QDPR: variants seen among roughly 807,000 people sequenced by gnomAD.
The protein encoded by QDPR is dihydropteridine reductase.
QDPR carries 23 observed loss-of-function variants against 31.7 expected under a neutral mutation model. The ratio of observed to expected loss-of-function variants is 0.73; its 90% CI spans 0.52 to 1.03. The LOEUF is 1.03. Among genes scored for constraint, QDPR ranks in the 50% least tolerant of loss-of-function variants. QDPR has a pLI of 0.00. For missense variants in QDPR, 324 were observed against 323.8 expected (o/e 1.00, Z 0.00); for synonymous variants, 124 against 124.7 (o/e 0.99, Z 0.03).
chr4:17,512,051 C>G lies in QDPR; in HGVS notation c.4G>C (p.Ala2Pro). The G allele has an allele frequency of 6.3e-7, 1 of 1,598,514 alleles. No homozygotes were observed. The highest frequency in any genetic ancestry group is 8.5e-7 in the Non-Finnish European group (1 of 1,174,104). MAAAAAAGEARR... is the reference protein window; with the variant it reads MPAAAAAGEARR... Reference sequence around the variant, plus strand: ...GCCTCGCCTGCAGCCGCCGCCGCCGCCATCCTGCTCCTGCCAGCCCGGCTC... The same window carrying G: ...GCCTCGCCTGCAGCCGCCGCCGCCGGCATCCTGCTCCTGCCAGCCCGGCTC... The change falls in exon 1 of 7, where the codon GCG (alanine) becomes CCG (proline). Residue 2 changes from alanine to proline, a missense_variant. Transcript: ENST00000281243.
At chr4:17,499,530 G>T (rs1429687849) in intron 4 of QDPR, among the ~76,000 whole-genome samples, 1 of 152,204 alleles carries the variant, frequency 6.6e-6, no homozygotes, top group Non-Finnish European at 1.5e-5. Flanking sequence ...TATAGCCATG[G>T]ACTTGTAACA....
chr4:17,499,057 A>C (rs1718466553), intron 4 of QDPR, among the ~76,000 whole-genome samples: 1 of 152,244 alleles, frequency 6.6e-6, no homozygotes, highest in African/African-American at 2.4e-5. Flanking sequence ...AAATAATAAT[A>C]ATGGCTCACA....
intron 2 of QDPR, among the ~76,000 whole-genome samples, chr4:17,508,598 A>G (rs543692229): frequency 2.6e-5 from 4 of 151,472 alleles, no homozygotes; most frequent in Non-Finnish European, 2.9e-5. Context: ...ATCTACAAAG[A>G]GGTTTTTTCA....
chr4:17,498,326 CAAG>C (rs1718438087), intron 4 of QDPR, among the ~76,000 whole-genome samples: 1 of 152,140 alleles, frequency 6.6e-6, no homozygotes, highest in Non-Finnish European at 1.5e-5. Context: ...TTTGGAAGCA[CAAG>C]AAGAATATTT....
At chr4:17,501,575 G>C in intron 4 of QDPR, 144 bp downstream of exon 4, 1 of 973,146 alleles carries the variant, frequency 1.0e-6, no homozygotes, top group Non-Finnish European at 1.6e-6. Context: ...AATGATTCAG[G>C]CCCAAAAGAA....
At chr4:17,487,641 C>CA (rs1016447790) in intron 6 of QDPR, among the ~76,000 whole-genome samples, 10 of 150,720 alleles carry the variant, frequency 6.6e-5, no homozygotes, top group African/African-American at 2.4e-4. Context: ...CTCCGTCTCA[C>CA]AAAAAATAAT....
At chr4:17,490,826 C>T (rs146563974) in intron 5 of QDPR, 81 bp from the exon 6 acceptor site, 83 of 1,057,410 alleles carry the variant, frequency 7.8e-5, no homozygotes, top group Non-Finnish European at 1.0e-4. Flanking sequence ...GCCAGGAAAA[C>T]GCAAACATAC....
At chr4:17,505,247 T>C (rs966598811) in intron 2 of QDPR, among the ~76,000 whole-genome samples, 5 of 145,992 alleles carry the variant, frequency 3.4e-5, no homozygotes, top group Admixed American at 6.8e-5. Flanking sequence ...AGATTTCTTT[T>C]TTTTTTTTTT....
At position 17,512,055 on chromosome 4, in the gene QDPR, C is replaced by T; in HGVS notation, c.-1G>A. On this transcript the variant is annotated 5_prime_UTR_variant, in exon 1 of 7. Transcript: ENST00000281243. ...CGCCTGCAGCCGCCGCCGCCGCCAT[C>T]CTGCTCCTGCCAGCCCGGCTCCCGC... is the stretch of plus-strand genomic sequence containing the variant. 6.3e-7 allele frequency: 1 copy of T among 1,595,642 alleles called. No individual in the cohort carries two copies. Among genetic ancestry groups the T allele is most frequent in the East Asian group, 2.3e-5 (1 of 43,664 alleles).
intron 3 of QDPR, among the ~76,000 whole-genome samples, chr4:17,503,750 G>C (rs535637707): frequency 6.6e-6 from 1 of 152,326 alleles, no homozygotes; most frequent in East Asian, 1.9e-4. Flanking sequence ...AGGAGTTCAA[G>C]ACCAGCCTGG....
chr4:17,502,259 T>A (rs1476827294), intron 3 of QDPR, among the ~76,000 whole-genome samples: 1 of 152,256 alleles, frequency 6.6e-6, no homozygotes, highest in African/African-American at 2.4e-5. Context: ...ACTGTACAGC[T>A]ATAAAGAGAG....
At chr4:17,503,900 G>A (rs1452704839) in intron 3 of QDPR, among the ~76,000 whole-genome samples, 1 of 151,712 alleles carries the variant, frequency 6.6e-6, no homozygotes, top group Non-Finnish European at 1.5e-5. Flanking sequence ...GCAGTGAGCC[G>A]AGATTACACC....
intron 6 of QDPR, chr4:17,490,319 C>A: frequency 2.9e-6 from 1 of 349,142 alleles, no homozygotes; most frequent in East Asian, 7.2e-5. Flanking sequence ...TGAGTGCTTG[C>A]CGCACACTAT....
chr4:17,487,017 C>T lies in QDPR; in HGVS notation c.*114G>A, dbSNP rs1422148800. 1.1e-5 allele frequency: 9 copies of T among 811,136 alleles called. No individual in the cohort carries two copies. The East Asian group carries it at 2.0e-4, about 18-fold the overall frequency. 50.2% of individuals were successfully genotyped at this position (811,136 alleles called of 1,614,324 possible). ...CATATTATGTGAGAGAAAAATAGGA[C>T]TCATTATCTCGTACCACAAACAGGG... is the stretch of plus-strand genomic sequence containing the variant. On this transcript the variant is annotated 3_prime_UTR_variant, in exon 7 of 7. Transcript: ENST00000281243.
chr4:17,509,878 C>T lies in QDPR; in HGVS notation c.106-515G>A, dbSNP rs1308307220. The T allele has an allele frequency of 8.9e-6, 4 of 451,584 alleles. No homozygotes were observed. The East Asian group carries it at 2.8e-4, about 32-fold the overall frequency. 28.0% of individuals were successfully genotyped at this position (451,584 alleles called of 1,614,324 possible). On this transcript the variant is annotated intron_variant, in intron 1 of 6. Transcript: ENST00000281243. ...TCACCTCTAAAACACAAACCCTGCA[C>T]TTCTAGAGACATCAAGGGCCAGCAA...
intron 4 of QDPR, among the ~76,000 whole-genome samples, chr4:17,496,459 A>G: frequency 6.7e-6 from 1 of 149,954 alleles, no homozygotes; most frequent in Non-Finnish European, 1.5e-5. Context: ...AAAAAAAAAA[A>G]AAAAAAAAAA....
intron 4 of QDPR, among the ~76,000 whole-genome samples, chr4:17,498,863 G>C (rs879702982): frequency 2.0e-5 from 3 of 152,162 alleles, no homozygotes; most frequent in Non-Finnish European, 4.4e-5. Flanking sequence ...TACTAAGCCT[G>C]ATTCATCATT....
intron 3 of QDPR, among the ~76,000 whole-genome samples, chr4:17,502,227 GA>G (rs1349812886): frequency 6.6e-6 from 1 of 152,166 alleles, no homozygotes; most frequent in East Asian, 1.9e-4. Context: ...TTTTCTCTGT[GA>G]TAAAAATCCA....
At chr4:17,489,747 A>G (rs2597771) in intron 6 of QDPR, among the ~76,000 whole-genome samples, 100,544 of 152,162 alleles carry the variant, frequency 0.66, 33,507 homozygotes, top group East Asian at 0.77. Context: ...GTAAGTACAC[A>G]TTTCAAACAT....
Sources: allele counts gnomAD v4.1 joint callset (sites outside exome capture counted in the v4.1 genomes callset), GRCh38; gene constraint gnomAD v4.1.1; transcripts MANE v1.5; gene names NCBI Gene and HGNC (gene_info 2026-07-23, HGNC 2026-07-21).